The following ZHX2 variants were observed in gnomAD, a reference collection of about 807,000 sequenced individuals.
The protein encoded by ZHX2 is zinc fingers and homeoboxes protein 2.
ZHX2 carries 6 observed loss-of-function variants against 21.9 expected under a neutral mutation model. The ratio of observed to expected loss-of-function variants is 0.27; its 90% CI spans 0.15 to 0.54. The LOEUF (loss-of-function observed/expected upper bound fraction) is 0.54. Ranked by LOEUF, ZHX2 falls within the 20% of genes least tolerant of loss-of-function variation. The pLI is 0.95. For missense variants in ZHX2, 908 were observed against 1,090.7 expected (o/e 0.83, Z 2.36); for synonymous variants, 434 against 437.1 (o/e 0.99, Z 0.09).
intron 3 of ZHX2, among the ~76,000 whole-genome samples, chr8:122,966,489 C>T (rs1296037542): frequency 6.6e-6 from 1 of 152,174 alleles, no homozygotes; most frequent in East Asian, 1.9e-4. Context: ...ATCCCAGTCA[C>T]TTCTGGCTTG....
rs1173628521 is a variant in ZHX2 at position 122,782,377 on chromosome 8, G to A, written c.-283+431G>A. 6.6e-6 allele frequency among the ~76,000 whole-genome samples: 1 copy of A among 152,072 alleles called. No homozygotes were observed. Among genetic ancestry groups the A allele is most frequent in the Non-Finnish European group, 1.5e-5 (1 of 68,018 alleles). ...GTTTTTATTTATTTATTTCGTGGCCGTCTCCCTCCCTTCTTGGCCAAACTG... is the reference window on the plus strand; with the variant it reads ...GTTTTTATTTATTTATTTCGTGGCCATCTCCCTCCCTTCTTGGCCAAACTG... On this transcript the variant is annotated intron_variant, in intron 1 of 3. Transcript: ENST00000314393. This position sits in a 1 kb window ranked among gnomAD's most constrained non-coding sequence, Gnocchi z 5.3.
chr8:122,900,308 T>G (rs1042578083), intron 2 of ZHX2, among the ~76,000 whole-genome samples: 2 of 152,198 alleles, frequency 1.3e-5, no homozygotes, highest in Non-Finnish European at 2.9e-5. Flanking sequence ...AAGACTCATG[T>G]TGTGGGCAGA....
chr8:122,878,822 A>G lies in ZHX2; in HGVS notation c.-220+15283A>G, dbSNP rs16897596. ...AAGCCACATGGAGGAGTCCTCAAAG[A>G]TGTGCTTGAGATATTCATATAATTT... On this transcript the variant is annotated intron_variant, in intron 2 of 3. Transcript: ENST00000314393. Among the ~76,000 whole-genome samples, 848 of 152,236 alleles carry G rather than the reference A, an allele frequency of 5.6e-3. 6 individuals are homozygous for G. The highest frequency in any genetic ancestry group is 0.019 in the African/African-American group (807 of 41,530).
intron 2 of ZHX2, among the ~76,000 whole-genome samples, chr8:122,918,144 TC>T (rs1419818376): frequency 6.6e-6 from 1 of 152,228 alleles, no homozygotes; most frequent in Non-Finnish European, 1.5e-5. Flanking sequence ...TATTTAATCC[TC>T]ACAGTCATGT....
chr8:122,857,234 A>T (rs1358947787), intron 1 of ZHX2, among the ~76,000 whole-genome samples: 1 of 152,176 alleles, frequency 6.6e-6, no homozygotes, highest in Non-Finnish European at 1.5e-5. Flanking sequence ...CTCTAAGGCC[A>T]GGGTTCACCT....
chr8:122,807,521 A>T (rs771989108), intron 1 of ZHX2, among the ~76,000 whole-genome samples: 2 of 152,146 alleles, frequency 1.3e-5, no homozygotes, highest in African/African-American at 4.8e-5. Flanking sequence ...TTAGATGGAG[A>T]ATTTAACACT....
At chr8:122,797,549 C>T (rs1817635879) in intron 1 of ZHX2, among the ~76,000 whole-genome samples, 1 of 152,174 alleles carries the variant, frequency 6.6e-6, no homozygotes, top group Admixed American at 6.5e-5. Flanking sequence ...TTACCTTGAA[C>T]AGGATTCCTG....
intron 2 of ZHX2, among the ~76,000 whole-genome samples, chr8:122,907,349 G>A (rs918181483): frequency 6.6e-6 from 1 of 152,172 alleles, no homozygotes; most frequent in Admixed American, 6.5e-5. Flanking sequence ...AGCAAGGGCA[G>A]GAAGACTCCA....
intron 1 of ZHX2, among the ~76,000 whole-genome samples, chr8:122,850,639 CAAAAAAAAAA>C (rs60682747): frequency 6.1e-5 from 7 of 114,188 alleles, no homozygotes; most frequent in Non-Finnish European, 1.1e-4. Flanking sequence ...GACTCTGTCT[CAAAAAAAAAA>C]AAAAAAAAAT....
At chr8:122,902,268 C>G (rs1008520469) in intron 2 of ZHX2, among the ~76,000 whole-genome samples, 6 of 152,292 alleles carry the variant, frequency 3.9e-5, no homozygotes, top group African/African-American at 1.4e-4. Flanking sequence ...AAGATTGAGT[C>G]TTCTCCCTCA....
chr8:122,932,503 A>T (rs1391916993), intron 2 of ZHX2, among the ~76,000 whole-genome samples: 1 of 152,032 alleles, frequency 6.6e-6, no homozygotes, highest in Non-Finnish European at 1.5e-5. Flanking sequence ...CCATAATCAC[A>T]TTGCCTTCTC....
intron 1 of ZHX2, among the ~76,000 whole-genome samples, chr8:122,826,239 G>T (rs964301685): frequency 1.3e-5 from 2 of 152,198 alleles, no homozygotes; most frequent in Admixed American, 6.5e-5. Context: ...CTTGGAAAAT[G>T]AATTAAATGA....
Position 122,782,697 on chromosome 8 carries a change from A to G in ZHX2, c.-283+751A>G, listed in dbSNP as rs1241544077. On this transcript the variant is annotated intron_variant, in intron 1 of 3. Transcript: ENST00000314393. The surrounding 1 kb of genome is among the most constrained non-coding windows in gnomAD (Gnocchi z 5.3). Reference sequence around the variant, plus strand: ...AGGGCCGGAGCGCGGCGCTGTCCTCACCCCCGCTCAGGTGCAGGGGGAGTC... The same window carrying G: ...AGGGCCGGAGCGCGGCGCTGTCCTCGCCCCCGCTCAGGTGCAGGGGGAGTC... 6.6e-6 allele frequency among the ~76,000 whole-genome samples: 1 copy of G among 151,268 alleles called. No individual in the cohort carries two copies. Among genetic ancestry groups the G allele is most frequent in the African/African-American group, 2.4e-5 (1 of 41,120 alleles).
intron 1 of ZHX2, among the ~76,000 whole-genome samples, chr8:122,836,738 G>A (rs142183305): frequency 5.9e-5 from 9 of 152,292 alleles, no homozygotes; most frequent in African/African-American, 1.2e-4. Flanking sequence ...TCTTCCGGCC[G>A]GCTTTCTTCC....
At chr8:122,939,151 A>G (rs1170312666) in intron 2 of ZHX2, among the ~76,000 whole-genome samples, 1 of 152,234 alleles carries the variant, frequency 6.6e-6, no homozygotes, top group Non-Finnish European at 1.5e-5. Flanking sequence ...ATATACTCAA[A>G]TTAGCTCACT....
rs1049808283 is a variant in ZHX2 at position 122,833,965 on chromosome 8, C to T, written c.-282-29512C>T. Among the ~76,000 whole-genome samples, 6 of 151,290 alleles carry T rather than the reference C, an allele frequency of 4.0e-5. No homozygotes were observed. The South Asian group carries it at 1.0e-3, about 26-fold the overall frequency. On this transcript the variant is annotated intron_variant, in intron 1 of 3. Transcript: ENST00000314393. ...TGAGCTGAGATCGCGCCACTGCACTCCAGCCTGGGCGACAGAGCAAGACTC... is the reference window on the plus strand; with the variant it reads ...TGAGCTGAGATCGCGCCACTGCACTTCAGCCTGGGCGACAGAGCAAGACTC...
At chr8:122,943,679 G>A (rs948439917) in intron 2 of ZHX2, among the ~76,000 whole-genome samples, 5 of 152,196 alleles carry the variant, frequency 3.3e-5, no homozygotes, top group Non-Finnish European at 7.4e-5. Context: ...GGAGGTGGGT[G>A]GGAAGGATAT....
intron 1 of ZHX2, among the ~76,000 whole-genome samples, chr8:122,784,288 C>A (rs1271953693): frequency 6.6e-6 from 1 of 152,176 alleles, no homozygotes; most frequent in Non-Finnish European, 1.5e-5. Flanking sequence ...AGGCACAATG[C>A]TGTATATTTT....
At chr8:122,962,180 A>C (rs1233126817) in intron 3 of ZHX2, among the ~76,000 whole-genome samples, 1 of 152,122 alleles carries the variant, frequency 6.6e-6, no homozygotes, top group Non-Finnish European at 1.5e-5. Context: ...GGTTACATGG[A>C]TAAGTTCTTT....
Sources: gnomAD v4.1 joint callset for allele counts (sites outside exome capture counted in the v4.1 genomes callset) on GRCh38, gnomAD v4.1.1 for gene constraint, Gnocchi (gnomAD v3.1) non-coding constraint, MANE v1.5 for transcripts, NCBI Gene and HGNC (gene_info 2026-07-23, HGNC 2026-07-21) for gene names.